Variants in FBXO17 observed in about 807,000 individuals in gnomAD.
The protein encoded by FBXO17 is F-box only protein 17.
In FBXO17, 43 loss-of-function variants were observed where a neutral mutation model predicts 34.1. The ratio of observed to expected loss-of-function variants is 1.26; its 90% CI spans 0.99 to 1.62. The LOEUF (loss-of-function observed/expected upper bound fraction) is 1.62. Among genes scored for constraint, FBXO17 ranks in the 40% most tolerant of loss-of-function variants. The pLI is 0.00. For synonymous variants in FBXO17, 169 were observed against 166.0 expected (o/e 1.02, Z -0.14); for missense variants, 424 against 386.7 (o/e 1.10, Z -0.81).
intron 1 of FBXO17, among the ~76,000 whole-genome samples, chr19:38,969,229 G>A (rs1454616840): frequency 6.6e-6 from 1 of 151,930 alleles, no homozygotes. Context: ...TGGGATGATC[G>A]CTTGAGCCCA....
At chr19:38,969,277 C>T (rs1222912131) in intron 1 of FBXO17, among the ~76,000 whole-genome samples, 5 of 151,620 alleles carry the variant, frequency 3.3e-5, no homozygotes, top group African/African-American at 1.2e-4. Context: ...AGTGAGACCC[C>T]CGTCTCTACA....
chr19:38,951,403 G>C (rs1975082014), intron 1 of FBXO17, among the ~76,000 whole-genome samples: 2 of 151,800 alleles, frequency 1.3e-5, no homozygotes, highest in South Asian at 4.2e-4. Context: ...TTGAATTCCT[G>C]GGTTCAAGTG....
intron 1 of FBXO17, among the ~76,000 whole-genome samples, chr19:38,962,743 GTCTC>G (rs1170758564): frequency 6.6e-6 from 1 of 150,748 alleles, no homozygotes; most frequent in Non-Finnish European, 1.5e-5. Context: ...TTGAGATGGA[GTCTC>G]TCTCTGTCAC....
chr19:38,962,183 T>G (rs1043414163), intron 1 of FBXO17, among the ~76,000 whole-genome samples: 53 of 150,454 alleles, frequency 3.5e-4, no homozygotes, highest in Admixed American at 2.1e-3. Context: ...AGAGCGAAAC[T>G]TCGTCTCAAA....
chr19:38,954,578 G>GTT (rs1026579584), intron 1 of FBXO17, among the ~76,000 whole-genome samples: 22 of 93,522 alleles, frequency 2.4e-4, no homozygotes, highest in African/African-American at 5.3e-4. Flanking sequence ...CCGAGAATGT[G>GTT]TTTTTTTTTT....
At chr19:38,952,936 T>C in intron 1 of FBXO17, 1 of 433,968 alleles carries the variant, frequency 2.3e-6, no homozygotes, top group Admixed American at 2.4e-5. Flanking sequence ...GTCCCTTTCA[T>C]ATTTTACTCC....
intron 1 of FBXO17, among the ~76,000 whole-genome samples, chr19:38,970,609 AAC>A (rs747136965): frequency 3.9e-5 from 6 of 152,124 alleles, no homozygotes; most frequent in Non-Finnish European, 7.4e-5. Context: ...TCAGAAAACC[AAC>A]AGTTTTTCCC....
At chr19:38,959,816 T>C (rs1186312860) in intron 1 of FBXO17, among the ~76,000 whole-genome samples, 4 of 152,038 alleles carry the variant, frequency 2.6e-5, no homozygotes, top group Admixed American at 2.0e-4. Flanking sequence ...GGATTGCTTG[T>C]GGCCAGGAGT....
chr19:38,965,062 G>T (rs1465211082), intron 1 of FBXO17, among the ~76,000 whole-genome samples: 3 of 152,070 alleles, frequency 2.0e-5, no homozygotes, highest in Non-Finnish European at 2.9e-5. Flanking sequence ...CCAGCCTCTT[G>T]TTTGAAAAAG....
intron 2 of FBXO17, 140 bp downstream of exon 2, chr19:38,949,831 A>G (rs1437537563): frequency 1.9e-6 from 2 of 1,074,972 alleles, no homozygotes; most frequent in Non-Finnish European, 2.5e-6. Flanking sequence ...CCGCCCAGGC[A>G]CTGCGTCCCT....
chr19:38,943,059 G>A (rs1974916831), intron 5 of FBXO17, among the ~76,000 whole-genome samples: 1 of 152,130 alleles, frequency 6.6e-6, no homozygotes, highest in African/African-American at 2.4e-5. Context: ...GAGGGAGCCG[G>A]GAGGGGCTCT....
At chr19:38,952,537 C>G (rs373087717) in intron 1 of FBXO17, 1 of 534,422 alleles carries the variant, frequency 1.9e-6, no homozygotes, top group Non-Finnish European at 3.8e-6. Context: ...TCCCTCCACC[C>G]TCCCCAAAAC....
chr19:38,945,057 C>G lies in FBXO17; in HGVS notation c.605G>C (p.Arg202Pro), dbSNP rs369301137. The stretch of plus-strand genomic sequence containing the variant: ...TTCCTTTTCATACACATCCAGAAGG[C>G]GGACCCGGAGCTGGTAGACGCAGCC... ...NCGCVYQLRV[R>P]LLDVYEKEVV... The change falls in exon 5 of 6, where the codon CGC becomes CCC. Residue 202 changes from arginine (R) to proline (P), a missense_variant. Coordinates refer to ENST00000292852, the MANE Select transcript of FBXO17 (RefSeq NM_024907.7). 1 of 1,614,086 alleles carries G rather than the reference C, an allele frequency of 6.2e-7. No homozygotes were observed. Among genetic ancestry groups the G allele is most frequent in the Admixed American group, 1.7e-5 (1 of 60,000 alleles).
chr19:38,964,303 G>A (rs560756436), intron 1 of FBXO17, among the ~76,000 whole-genome samples: 1 of 152,020 alleles, frequency 6.6e-6, no homozygotes, highest in Non-Finnish European at 1.5e-5. Flanking sequence ...CATACCTTCA[G>A]GATACTTTCC....
rs1327158714 is a variant in FBXO17, at chr19:38,942,661, A to G, written c.784T>C (p.Tyr262His). The change falls in exon 6 of 6, where the codon TAT (tyrosine) becomes CAT (histidine). Residue 262 changes from tyrosine (Y) to histidine (H), a missense_variant. Physicochemically the swap from Tyr to His is moderately conservative, Grantham distance 83. Coordinates refer to ENST00000292852, the MANE Select transcript of FBXO17 (RefSeq NM_024907.7). Reference sequence around the variant, plus strand: ...CTGGAGTGGGTCACAAGGGCGCCATAGTGCCCCACCCAGGAACTCACGTCT... The same window carrying G: ...CTGGAGTGGGTCACAAGGGCGCCATGGTGCCCCACCCAGGAACTCACGTCT... ...GRDVSSWVGH[Y>H]GALVTHSSVR... 1 of 1,600,264 alleles carries G rather than the reference A, an allele frequency of 6.2e-7. No individual in the cohort carries two copies. The highest frequency in any genetic ancestry group is 1.7e-4 in the Middle Eastern group (1 of 6,036).
chr19:38,962,622 T>C (rs779971722), intron 1 of FBXO17, among the ~76,000 whole-genome samples: 5 of 152,132 alleles, frequency 3.3e-5, no homozygotes, highest in Non-Finnish European at 7.3e-5. Context: ...AAGGTCGGGG[T>C]CTCAGCCTGG....
At chr19:38,963,316 G>T (rs1975278499) in intron 1 of FBXO17, among the ~76,000 whole-genome samples, 2 of 148,892 alleles carry the variant, frequency 1.3e-5, no homozygotes, top group African/African-American at 5.0e-5. Flanking sequence ...TTTTTTTGAG[G>T]CAGGGTCTCA....
At chr19:38,971,422 C>T (rs1263683586) in intron 1 of FBXO17, among the ~76,000 whole-genome samples, 3 of 152,168 alleles carry the variant, frequency 2.0e-5, no homozygotes, top group Non-Finnish European at 4.4e-5. Flanking sequence ...AACTGAACCT[C>T]TGGCACGATC....
At chr19:38,951,086 A>G (rs1975076921) in intron 1 of FBXO17, among the ~76,000 whole-genome samples, 1 of 152,108 alleles carries the variant, frequency 6.6e-6, no homozygotes, top group Non-Finnish European at 1.5e-5. Flanking sequence ...CACCACGCCC[A>G]GCCTGTTTTT....
Sources: allele counts gnomAD v4.1 joint callset (sites outside exome capture counted in the v4.1 genomes callset), GRCh38; gene constraint gnomAD v4.1.1; transcripts MANE v1.5; gene names NCBI Gene and HGNC (gene_info 2026-07-23, HGNC 2026-07-21).